CDH12: variants seen among roughly 807,000 people sequenced by gnomAD.
CDH12 encodes cadherin 12.
CDH12 carries 41 observed loss-of-function variants against 74.1 expected under a neutral mutation model. That is an observed-to-expected ratio of 0.55 (90% CI 0.43 to 0.72). CDH12 has a LOEUF of 0.72. CDH12 is among the 30% of genes least tolerant of loss of function. The probability of loss-of-function intolerance (pLI) is 0.00; values close to 1 mark genes in which losing one functional copy is unlikely to be tolerated. For missense variants in CDH12, 945 were observed against 977.2 expected (o/e 0.97, Z 0.44); for synonymous variants, 399 against 355.0 (o/e 1.12, Z -1.39).
intron 3 of CDH12, among the ~76,000 whole-genome samples, chr5:22,256,748 T>C (rs1753332380): frequency 6.6e-6 from 1 of 152,144 alleles, no homozygotes; most frequent in Non-Finnish European, 1.5e-5. Flanking sequence ...CTAATGTGTG[T>C]GTTTGTGCCT....
chr5:21,982,118 G>A (rs1357233191), intron 5 of CDH12, among the ~76,000 whole-genome samples: 1 of 152,130 alleles, frequency 6.6e-6, no homozygotes, highest in Non-Finnish European at 1.5e-5. Context: ...AAATCGGTAG[G>A]CTGAATAAAA....
chr5:21,760,417 G>A, intron 13 of CDH12, 141 bp downstream of exon 13: 1 of 617,096 alleles, frequency 1.6e-6, no homozygotes, highest in Non-Finnish European at 2.9e-6. Flanking sequence ...TTTACTACTA[G>A]GTACAGAATA....
intron 1 of CDH12, among the ~76,000 whole-genome samples, chr5:22,824,956 C>A (rs1055658074): frequency 6.6e-6 from 1 of 151,578 alleles, no homozygotes; most frequent in African/African-American, 2.4e-5. Flanking sequence ...AAAGAAAATA[C>A]TAACAAAATA....
intron 1 of CDH12, among the ~76,000 whole-genome samples, chr5:22,811,125 A>G (rs949957526): frequency 6.6e-6 from 1 of 151,790 alleles, no homozygotes; most frequent in Non-Finnish European, 1.5e-5. Context: ...ATATACATAT[A>G]TACACATATA....
chr5:22,240,204 T>C (rs114166183), intron 3 of CDH12, among the ~76,000 whole-genome samples: 2,840 of 152,334 alleles, frequency 0.019, 37 homozygotes, highest in Non-Finnish European at 0.027. Flanking sequence ...CTAATACTTA[T>C]ATAGTTATTT....
intron 1 of CDH12, among the ~76,000 whole-genome samples, chr5:22,727,436 A>C (rs1280176190): frequency 6.6e-6 from 1 of 151,710 alleles, no homozygotes; most frequent in Admixed American, 6.6e-5. Context: ...ATCTTGCTAG[A>C]AAAGACAAGA....
rs189799151 is a variant in CDH12, at chr5:22,830,006, A to C, written c.-523+23052T>G. 1.4e-3 allele frequency among the ~76,000 whole-genome samples: 220 copies of C among 152,324 alleles called. 1 individual carries two copies. Among genetic ancestry groups the C allele is most frequent in the African/African-American group, 4.8e-3 (201 of 41,574 alleles). The stretch of plus-strand genomic sequence containing the variant: ...ATATGTACCAGATATTAGGTTATAT[A>C]ATATTTTCATTATATCACACATCAC... On this transcript the variant is annotated intron_variant, in intron 1 of 14. Coordinates refer to ENST00000382254, the MANE Select transcript of CDH12 (RefSeq NM_004061.5).
At chr5:21,960,286 C>T (rs1468584181) in intron 6 of CDH12, among the ~76,000 whole-genome samples, 1 of 152,136 alleles carries the variant, frequency 6.6e-6, no homozygotes, top group African/African-American at 2.4e-5. Context: ...CACATAATGC[C>T]TTTCTTTTCA....
intron 2 of CDH12, among the ~76,000 whole-genome samples, chr5:22,470,863 CT>C (rs5866567): frequency 0.36 from 51,482 of 142,414 alleles, 9,043 homozygotes; most frequent in Non-Finnish European, 0.4. Context: ...AACCTTAGCG[CT>C]TTTTTTTTTT....
chr5:22,157,632 C>T (rs1361547102), intron 4 of CDH12, among the ~76,000 whole-genome samples: 1 of 151,948 alleles, frequency 6.6e-6, no homozygotes, highest in Non-Finnish European at 1.5e-5. Context: ...TCAAAATACA[C>T]AAGATCTGAA....
chr5:22,285,374 A>G (rs754348277), intron 3 of CDH12, among the ~76,000 whole-genome samples: 1 of 152,144 alleles, frequency 6.6e-6, no homozygotes, highest in Non-Finnish European at 1.5e-5. Context: ...TCAGAATTTT[A>G]TGTATATGAG....
At chr5:22,834,012 G>T (rs1162812620) in intron 1 of CDH12, among the ~76,000 whole-genome samples, 1 of 152,134 alleles carries the variant, frequency 6.6e-6, no homozygotes, top group Non-Finnish European at 1.5e-5. Context: ...TTCCCCATGA[G>T]ATAGACTAGA....
chr5:22,034,077 T>G (rs1041454678), intron 5 of CDH12, among the ~76,000 whole-genome samples: 2 of 152,220 alleles, frequency 1.3e-5, no homozygotes, highest in African/African-American at 4.8e-5. Context: ...AGAACCTCAC[T>G]CTGTCATCCA....
At chr5:22,176,256 A>G (rs978446844) in intron 4 of CDH12, among the ~76,000 whole-genome samples, 1 of 152,086 alleles carries the variant, frequency 6.6e-6, no homozygotes, top group African/African-American at 2.4e-5. Context: ...TGAAAGATTC[A>G]AAACCATGTA....
chr5:22,257,380 T>C (rs1379220302), intron 3 of CDH12, among the ~76,000 whole-genome samples: 1 of 152,036 alleles, frequency 6.6e-6, no homozygotes, highest in Non-Finnish European at 1.5e-5. Flanking sequence ...GAAAAGCTTA[T>C]ATAATAAGGA....
intron 4 of CDH12, among the ~76,000 whole-genome samples, chr5:22,142,142 C>T (rs1290019624): frequency 2.0e-5 from 3 of 151,994 alleles, no homozygotes; most frequent in South Asian, 2.1e-4. Context: ...TTTAAGGTGC[C>T]TCTGAGATAG....
chr5:21,801,080 T>C (rs1747086436), intron 10 of CDH12, among the ~76,000 whole-genome samples: 1 of 152,180 alleles, frequency 6.6e-6, no homozygotes, highest in Non-Finnish European at 1.5e-5. Flanking sequence ...ACTGAGGTAG[T>C]ATTCATGTAA....
intron 6 of CDH12, among the ~76,000 whole-genome samples, chr5:21,881,396 G>A (rs1353012700): frequency 1.3e-5 from 2 of 152,140 alleles, no homozygotes; most frequent in Non-Finnish European, 2.9e-5. Context: ...CTAACATCTA[G>A]ATGATGACGC....
At chr5:22,763,396 A>G (rs1386025003) in intron 1 of CDH12, among the ~76,000 whole-genome samples, 1 of 151,988 alleles carries the variant, frequency 6.6e-6, no homozygotes, top group Non-Finnish European at 1.5e-5. Flanking sequence ...AGTAATGTGA[A>G]AGAAAATGAT....
Sources: allele counts gnomAD v4.1 joint callset (sites outside exome capture counted in the v4.1 genomes callset), GRCh38; gene constraint gnomAD v4.1.1; transcripts MANE v1.5; gene names NCBI Gene and HGNC (gene_info 2026-07-23, HGNC 2026-07-21).